Variants in CPNE8 observed in about 807,000 individuals in gnomAD.
CPNE8 encodes the protein copine-8.
A neutral mutation model predicts 81.5 loss-of-function variants in CPNE8; 45 were observed. The observed-to-expected ratio is 0.55, with a 90% CI of 0.44 to 0.71. CPNE8 has a LOEUF of 0.71. Ranked by LOEUF, CPNE8 falls within the 30% of genes least tolerant of loss-of-function variation. The probability of loss-of-function intolerance (pLI) is 0.00; values close to 1 mark genes in which losing one functional copy is unlikely to be tolerated. For missense variants in CPNE8, 594 were observed against 672.1 expected (o/e 0.88, Z 1.28); for synonymous variants, 252 against 226.3 (o/e 1.11, Z -1.02).
At chr12:38,776,507 G>T (rs1230729379) in intron 6 of CPNE8, among the ~76,000 whole-genome samples, 1 of 151,318 alleles carries the variant, frequency 6.6e-6, no homozygotes, top group Admixed American at 6.6e-5. Context: ...ATGGGGTTTC[G>T]CCATGTTGGC....
chr12:38,679,742 A>G (rs577723292), intron 16 of CPNE8: 1 of 958,122 alleles, frequency 1.0e-6, no homozygotes, highest in East Asian at 1.2e-4. Flanking sequence ...TCAATGTTGT[A>G]TTACCATTTA....
At chr12:38,810,193 C>T (rs1942904758) in intron 6 of CPNE8, among the ~76,000 whole-genome samples, 1 of 152,260 alleles carries the variant, frequency 6.6e-6, no homozygotes, top group African/African-American at 2.4e-5. Context: ...AAAAAATCCT[C>T]AAGATCTTTA....
chr12:38,798,380 G>C (rs866083615), intron 6 of CPNE8, among the ~76,000 whole-genome samples: 3 of 152,182 alleles, frequency 2.0e-5, no homozygotes, highest in Admixed American at 6.5e-5. Flanking sequence ...CCAGAAGACA[G>C]TGGGGGCCAA....
chr12:38,812,770 C>T (rs1316191391), intron 6 of CPNE8, among the ~76,000 whole-genome samples: 3 of 152,224 alleles, frequency 2.0e-5, no homozygotes, highest in Non-Finnish European at 4.4e-5. Context: ...TTCTGCTCTT[C>T]TGCCATGTGA....
At chr12:38,835,643 A>G (rs1943367401) in intron 5 of CPNE8, among the ~76,000 whole-genome samples, 1 of 152,190 alleles carries the variant, frequency 6.6e-6, no homozygotes, top group African/African-American at 2.4e-5. Context: ...TATACGTTAA[A>G]TTAGCTTTAT....
At chr12:38,690,080 T>C (rs867818416) in intron 15 of CPNE8, among the ~76,000 whole-genome samples, 1 of 152,166 alleles carries the variant, frequency 6.6e-6, no homozygotes, top group African/African-American at 2.4e-5. Flanking sequence ...GGGGGTAATT[T>C]AAGTTGTTAA....
Position 38,670,907 on chromosome 12 carries a change from GAA to G in CPNE8, c.1433-107_1433-106del, listed in dbSNP as rs1196536479. On this transcript the variant is annotated intron_variant, in intron 18 of 19. Coordinates refer to ENST00000331366, the MANE Select transcript of CPNE8 (RefSeq NM_153634.3). ...TGTATGAAGTAGCAAAATGTGCTAT[GAA>G]AAGACAGAAAGCATGTTGATCCCTT... The G allele has an allele frequency of 1.6e-5, 11 of 703,468 alleles. No individual in the cohort carries two copies. The Admixed American group carries it at 3.0e-4, about 19-fold the overall frequency. The allele number at this position is 703,468 out of a possible 1,614,324, so 43.6% of individuals were successfully genotyped here.
At chr12:38,779,309 A>G (rs1354517692) in intron 6 of CPNE8, among the ~76,000 whole-genome samples, 1 of 152,166 alleles carries the variant, frequency 6.6e-6, no homozygotes, top group Non-Finnish European at 1.5e-5. Flanking sequence ...TTTTATGGTT[A>G]CTTAGGGCAC....
intron 7 of CPNE8, among the ~76,000 whole-genome samples, chr12:38,773,455 T>C (rs1055977472): frequency 6.6e-6 from 1 of 152,122 alleles, no homozygotes; most frequent in Non-Finnish European, 1.5e-5. Context: ...ACATTAAATA[T>C]GTCCAGTTAT....
intron 6 of CPNE8, among the ~76,000 whole-genome samples, chr12:38,786,978 G>A (rs950186282): frequency 1.3e-5 from 2 of 152,110 alleles, no homozygotes; most frequent in African/African-American, 4.8e-5. Flanking sequence ...CAGAGATAAA[G>A]AGAGAAACAG....
intron 18 of CPNE8, among the ~76,000 whole-genome samples, chr12:38,673,576 T>C (rs1206024476): frequency 6.6e-6 from 1 of 152,158 alleles, no homozygotes; most frequent in Non-Finnish European, 1.5e-5. Context: ...CAGAATAATC[T>C]ACTTTTCTAG....
Position 38,653,617 on chromosome 12 carries a change from T to TAAAAA in CPNE8, c.*260_*264dup, listed in dbSNP as rs59710225. 7.0e-4 allele frequency: 104 copies of TAAAAA among 148,568 alleles called. 3 individuals carry two copies. The highest frequency in any genetic ancestry group is 2.8e-3 in the Middle Eastern group (1 of 352). The allele number at this position is 148,568 out of a possible 1,614,324, so 9.2% of individuals were successfully genotyped here. On this transcript the variant is annotated 3_prime_UTR_variant, in exon 20 of 20. Coordinates refer to ENST00000331366, the MANE Select transcript of CPNE8 (RefSeq NM_153634.3). ...TACATTGGAAATTAGCTGTTTCTGT[T>TAAAAA]AAAAAAAAAAAGAAAGAAAGATTTA...
At chr12:38,701,741 G>C (rs369266617) in intron 14 of CPNE8, among the ~76,000 whole-genome samples, 5 of 152,030 alleles carry the variant, frequency 3.3e-5, no homozygotes. Flanking sequence ...TGATCTGCCC[G>C]CCTCAGCCTC....
chr12:38,756,562 C>T (rs993175942), intron 10 of CPNE8, among the ~76,000 whole-genome samples: 1 of 152,002 alleles, frequency 6.6e-6, no homozygotes, highest in African/African-American at 2.4e-5. Flanking sequence ...TGTTTTATTG[C>T]TCTGGCTGCC....
At chr12:38,717,741 A>G (rs1305675592) in intron 13 of CPNE8, among the ~76,000 whole-genome samples, 1 of 151,616 alleles carries the variant, frequency 6.6e-6, no homozygotes, top group African/African-American at 2.4e-5. Context: ...AGTGCACTAA[A>G]ATCTCAAAAA....
At chr12:38,840,516 C>T (rs1411939491) in intron 4 of CPNE8, among the ~76,000 whole-genome samples, 1 of 152,030 alleles carries the variant, frequency 6.6e-6, no homozygotes, top group Admixed American at 6.6e-5. Flanking sequence ...TACAACTTCA[C>T]GTGAATGAAT....
At chr12:38,656,059 A>G (rs117744018) in intron 19 of CPNE8, among the ~76,000 whole-genome samples, 510 of 151,632 alleles carry the variant, frequency 3.4e-3, no homozygotes, top group Non-Finnish European at 5.4e-3. Flanking sequence ...TTCCCTAGCT[A>G]TGGACAAGAC....
At chr12:38,888,366 G>C (rs1172789780) in intron 1 of CPNE8, among the ~76,000 whole-genome samples, 2 of 152,176 alleles carry the variant, frequency 1.3e-5, no homozygotes, top group African/African-American at 4.8e-5. Context: ...CATAGGCTAT[G>C]ACAATGAAAA....
At chr12:38,798,738 A>T (rs1942571114) in intron 6 of CPNE8, among the ~76,000 whole-genome samples, 1 of 151,778 alleles carries the variant, frequency 6.6e-6, no homozygotes, top group African/African-American at 2.4e-5. Context: ...GCTCCAATTG[A>T]AAGACACAGA....
Sources: gnomAD v4.1 joint callset for allele counts (sites outside exome capture counted in the v4.1 genomes callset) on GRCh38, gnomAD v4.1.1 for gene constraint, MANE v1.5 for transcripts, NCBI Gene and HGNC (gene_info 2026-07-23, HGNC 2026-07-21) for gene names.